DIP2C: variants seen among roughly 807,000 people sequenced by gnomAD.
DIP2C encodes the protein disco-interacting protein 2 homolog C.
Under a neutral mutation model 192.4 loss-of-function variants are expected in DIP2C, and 33 were observed. The observed-to-expected ratio is 0.17, with a 90% CI of 0.13 to 0.23. The LOEUF (loss-of-function observed/expected upper bound fraction) is 0.23, where lower values mean the gene tolerates loss of function less well. DIP2C is among the 10% of genes least tolerant of loss of function. The pLI is 1.00. For synonymous variants in DIP2C, 979 were observed against 864.1 expected, an observed-to-expected ratio of 1.13 and a Z score of -2.33; for missense variants, 1,537 against 2,110.1, an observed-to-expected ratio of 0.73 and a Z score of 5.32.
intron 13 of DIP2C, 81 bp from the exon 14 acceptor site, chr10:387,890 C>T (rs1419267306): frequency 6.6e-6 from 9 of 1,373,746 alleles, no homozygotes; most frequent in Non-Finnish European, 9.4e-6. Flanking sequence ...TCCAATATTG[C>T]ATCAGGGGAA....
rs975589912 is a variant in DIP2C, at chr10:453,205, T to C, written c.269-12209A>G. Among the ~76,000 whole-genome samples, 3 of 152,346 alleles carry C rather than the reference T, an allele frequency of 2.0e-5. No homozygotes were observed. The East Asian group carries it at 5.8e-4, about 29-fold the overall frequency. ...AGCATCAGAAATCCATTACAGCATC[T>C]GATCAAGCGTCCTCCAAAGCCTTAA... On this transcript the variant is annotated intron_variant, in intron 3 of 36. Transcript: ENST00000280886.
intron 1 of DIP2C, among the ~76,000 whole-genome samples, chr10:607,899 C>T (rs1367018808): frequency 1.3e-5 from 2 of 151,972 alleles, no homozygotes; most frequent in Admixed American, 1.3e-4. Flanking sequence ...TTCGCTAAGA[C>T]GTACGACTCT....
chr10:514,457 C>T (rs796669373), intron 1 of DIP2C, among the ~76,000 whole-genome samples: 26 of 152,332 alleles, frequency 1.7e-4, no homozygotes, highest in African/African-American at 6.3e-4. Context: ...GGAATTTACA[C>T]TGCAACCCTG....
chr10:315,617 T>C (rs1056411785), intron 31 of DIP2C, among the ~76,000 whole-genome samples: 9 of 152,236 alleles, frequency 5.9e-5, no homozygotes, highest in Admixed American at 4.6e-4. Flanking sequence ...AGATTGACTC[T>C]GCCACTGACT....
chr10:298,326 A>G (rs1046251724), intron 32 of DIP2C, among the ~76,000 whole-genome samples: 1 of 152,196 alleles, frequency 6.6e-6, no homozygotes, highest in Non-Finnish European at 1.5e-5. Flanking sequence ...GACACGGATC[A>G]CAGGCATTTT....
intron 29 of DIP2C, among the ~76,000 whole-genome samples, chr10:334,157 A>G (rs1957633890): frequency 6.6e-6 from 1 of 152,054 alleles, no homozygotes; most frequent in Admixed American, 6.5e-5. Flanking sequence ...ATACAAAAAA[A>G]ATAGCCAGGT....
intron 1 of DIP2C, among the ~76,000 whole-genome samples, chr10:521,524 G>T (rs1336738102): frequency 6.6e-6 from 1 of 152,182 alleles, no homozygotes; most frequent in Non-Finnish European, 1.5e-5. Context: ...TGCTCACTGG[G>T]GTGAGACCAT....
intron 32 of DIP2C, among the ~76,000 whole-genome samples, chr10:289,938 G>T (rs1222776115): frequency 6.6e-6 from 1 of 152,242 alleles, no homozygotes; most frequent in Non-Finnish European, 1.5e-5. Context: ...TCCTCTGGCT[G>T]TTGAGTGACT....
intron 1 of DIP2C, chr10:628,914 C>T (rs1399030948): frequency 6.6e-6 from 1 of 152,422 alleles, no homozygotes; most frequent in Non-Finnish European, 1.5e-5. Context: ...ACCACGGATC[C>T]CATGGCGAAT....
chr10:655,052 CA>C (rs1333230157), intron 1 of DIP2C, among the ~76,000 whole-genome samples: 10 of 152,242 alleles, frequency 6.6e-5, no homozygotes, highest in African/African-American at 1.9e-4. Context: ...GGAACTTGCT[CA>C]GGGGGCTTGC....
chr10:495,344 TCA>T (rs1844748735), intron 1 of DIP2C, among the ~76,000 whole-genome samples: 1 of 152,168 alleles, frequency 6.6e-6, no homozygotes, highest in African/African-American at 2.4e-5. Context: ...TGCCTGAAAT[TCA>T]GTTAACAATG....
chr10:332,476 C>CCTA (rs1275582226), intron 29 of DIP2C, among the ~76,000 whole-genome samples: 1 of 152,122 alleles, frequency 6.6e-6, no homozygotes, highest in East Asian at 1.9e-4. Flanking sequence ...CTCATGATTT[C>CCTA]CTAATTGCCC....
chr10:606,174 C>T (rs1381241401), intron 1 of DIP2C, among the ~76,000 whole-genome samples: 1 of 152,248 alleles, frequency 6.6e-6, no homozygotes, highest in African/African-American at 2.4e-5. Flanking sequence ...AGAACGAGTC[C>T]TGCATAAACC....
intron 1 of DIP2C, among the ~76,000 whole-genome samples, chr10:618,548 C>T (rs1853622976): frequency 1.3e-5 from 2 of 152,018 alleles, no homozygotes; most frequent in South Asian, 2.1e-4. Context: ...CGCCAGGTGA[C>T]GGTGGCTTTC....
intron 1 of DIP2C, among the ~76,000 whole-genome samples, chr10:601,584 T>C (rs561765437): frequency 1.9e-3 from 284 of 152,292 alleles, no homozygotes; most frequent in African/African-American, 5.2e-3. Flanking sequence ...GAATGCAGAC[T>C]TGTGGCAGAG....
chr10:584,705 G>A (rs1330517615), intron 1 of DIP2C, among the ~76,000 whole-genome samples: 2 of 63,990 alleles, frequency 3.1e-5, no homozygotes, highest in African/African-American at 7.0e-5. Context: ...TCTCAATCTC[G>A]GGGCCCGCGA....
At chr10:526,737 T>G (rs184758288) in intron 1 of DIP2C, among the ~76,000 whole-genome samples, 6 of 152,198 alleles carry the variant, frequency 3.9e-5, no homozygotes, top group African/African-American at 1.2e-4. Flanking sequence ...CGGAAGGCAT[T>G]TGTGTCATGT....
At chr10:661,288 T>A (rs1034844658) in intron 1 of DIP2C, among the ~76,000 whole-genome samples, 2 of 152,178 alleles carry the variant, frequency 1.3e-5, no homozygotes, top group Non-Finnish European at 2.9e-5. Context: ...GCCTGCCCCC[T>A]TTCTTCCGTG....
rs117471770 is a variant in DIP2C at position 482,316 on chromosome 10, G to A, written c.157+4143C>T. ...AGCCTGCAGGCCAGAGGCCTCCGGT[G>A]CAGACAGTGTAGAGCTTAACTCACA... On this transcript the variant is annotated intron_variant, in intron 2 of 36. Transcript: ENST00000280886. Among the ~76,000 whole-genome samples, 44 of 152,310 alleles carry A rather than the reference G, an allele frequency of 2.9e-4. 1 individual carries two copies. The East Asian group carries it at 8.1e-3, about 28-fold the overall frequency.
Sources: allele counts gnomAD v4.1 joint callset (sites outside exome capture counted in the v4.1 genomes callset), GRCh38; gene constraint gnomAD v4.1.1; transcripts MANE v1.5; gene names NCBI Gene and HGNC (gene_info 2026-07-23, HGNC 2026-07-21).